The following SLC38A1 variants were observed in gnomAD, a reference collection of about 807,000 sequenced individuals.
SLC38A1 encodes the protein solute carrier family 38 member 1.
SLC38A1 carries 18 observed loss-of-function variants against 60.3 expected under a neutral mutation model. The ratio of observed to expected loss-of-function variants is 0.30; its 90% CI spans 0.21 to 0.44. The LOEUF (loss-of-function observed/expected upper bound fraction) is 0.44, where lower values mean the gene tolerates loss of function less well. Among genes scored for constraint, SLC38A1 ranks in the 20% least tolerant of loss-of-function variants. The pLI, the probability that SLC38A1 is intolerant of heterozygous loss-of-function variation, is 1.00. For missense variants in SLC38A1, 448 were observed against 587.2 expected (o/e 0.76, Z 2.45); for synonymous variants, 196 against 212.1 (o/e 0.92, Z 0.66).
Position 46,230,505 on chromosome 12 carries a change from T to C in SLC38A1, c.123-866A>G, listed in dbSNP as rs146128640. 2.5e-3 allele frequency among the ~76,000 whole-genome samples: 380 copies of C among 152,302 alleles called. 9 individuals are homozygous for C. In the East Asian group the frequency reaches 0.06, roughly 24 times the overall value. ...ACTATTACATCATCTTATCAAGTTA[T>C]TGGGAGACTTAAATGAGAGAGTACA... On this transcript the variant is annotated intron_variant, in intron 3 of 16. Coordinates refer to ENST00000398637, the MANE Select transcript of SLC38A1 (RefSeq NM_030674.4).
intron 6 of SLC38A1, 93 bp from the exon 7 acceptor site, chr12:46,207,714 A>AT: frequency 8.3e-7 from 1 of 1,210,594 alleles, no homozygotes; most frequent in Non-Finnish European, 1.2e-6. Flanking sequence ...CTGTTCCCCA[A>AT]GTTACTATGT....
chr12:46,234,387 A>G (rs1009495622), intron 3 of SLC38A1, among the ~76,000 whole-genome samples: 1 of 151,746 alleles, frequency 6.6e-6, no homozygotes, highest in African/African-American at 2.4e-5. Context: ...TGGTGTTTCA[A>G]CTTTTTCTTC....
At position 46,211,366 on chromosome 12, in the gene SLC38A1, C is replaced by A. The variant is rs535530576; in HGVS notation, c.315-2239G>T. Among the ~76,000 whole-genome samples the A allele has an allele frequency of 3.9e-5, 6 of 152,268 alleles. No homozygotes were observed. In the South Asian group the frequency reaches 1.0e-3, roughly 26 times the overall value. On this transcript the variant is annotated intron_variant, in intron 5 of 16. Transcript: ENST00000398637. ...CAAGGCTAATGTATAAAGAGTATGA[C>A]CTTGTAGGAACTATCTATGTGCCTA...
chr12:46,229,212 C>T lies in SLC38A1; in HGVS notation c.255G>A (p.Met85Ile). Residue 85 changes from methionine to isoleucine, a missense_variant, in exon 5 of 17, where the codon ATG (methionine) becomes ATA (isoleucine). Met to Ile is a conservative substitution (Grantham distance 10). This residue lies in a region of SLC38A1 where 346 missense variants were observed against 497.5 expected (regional missense o/e 0.70). Transcript: ENST00000398637. Reference protein sequence around the residue: ...MSVFNLSNAIMGSGILGLAFA... With the variant: ...MSVFNLSNAIIGSGILGLAFA... ...AGGCGAGTCCCAAAATCCCACTGCC[C>T]ATAATGGCGTTGCTTAGGTTAAAAA... is the stretch of plus-strand genomic sequence containing the variant. 1.9e-6 allele frequency: 3 copies of T among 1,613,748 alleles called. No individual in the cohort carries two copies. The highest frequency in any genetic ancestry group is 2.5e-6 in the Non-Finnish European group (3 of 1,179,832).
At chr12:46,250,784 A>T (rs1197026596) in intron 1 of SLC38A1, among the ~76,000 whole-genome samples, 1 of 152,236 alleles carries the variant, frequency 6.6e-6, no homozygotes, top group Non-Finnish European at 1.5e-5. Flanking sequence ...CCAACTTACA[A>T]GGGATGTGAA....
chr12:46,196,037 T>A (rs570845305), intron 16 of SLC38A1: 2 of 1,033,450 alleles, frequency 1.9e-6, no homozygotes, highest in South Asian at 1.4e-5. Context: ...TCTACATCGA[T>A]CTTGCTGGGA....
At chr12:46,267,276 G>C (rs1942381737) in intron 1 of SLC38A1, 2 of 152,206 alleles carry the variant, frequency 1.3e-5, no homozygotes, top group African/African-American at 4.8e-5. Context: ...CATCACCGCG[G>C]ATTCGTCCGA....
chr12:46,196,268 G>A, intron 16 of SLC38A1: 2 of 1,535,976 alleles, frequency 1.3e-6, no homozygotes, highest in Non-Finnish European at 1.7e-6. Flanking sequence ...ACTGGAGGAA[G>A]AGAAAGAGCT....
intron 12 of SLC38A1, 120 bp downstream of exon 12, chr12:46,202,890 G>A (rs767977198): frequency 4.5e-5 from 29 of 650,662 alleles, no homozygotes; most frequent in Non-Finnish European, 7.0e-5. Flanking sequence ...AGTAAATGTT[G>A]AAGCTGGGTG....
chr12:46,189,765 G>T (rs1478589233), intron 16 of SLC38A1, among the ~76,000 whole-genome samples: 1 of 152,130 alleles, frequency 6.6e-6, no homozygotes, highest in African/African-American at 2.4e-5. Context: ...AATCTCATGA[G>T]ATCTGGTGGT....
rs1437984340 is a variant in SLC38A1 at position 46,244,496 on chromosome 12, G to A, written c.-208-1182C>T. 3.3e-5 allele frequency among the ~76,000 whole-genome samples: 5 copies of A among 152,320 alleles called. No individual in the cohort carries two copies. The East Asian group carries it at 5.8e-4, about 18-fold the overall frequency. On this transcript the variant is annotated intron_variant, in intron 1 of 16. Coordinates refer to ENST00000398637, the MANE Select transcript of SLC38A1 (RefSeq NM_030674.4). ...TTTAGATTCCACCAATGGGAGAGTG[G>A]TGGTGGCCAGAGCAAGGCATCCACT...
chr12:46,214,331 C>T (rs1312062320), intron 5 of SLC38A1, among the ~76,000 whole-genome samples: 1 of 152,142 alleles, frequency 6.6e-6, no homozygotes, highest in Non-Finnish European at 1.5e-5. Context: ...ACTCTTTTTG[C>T]TGCAAGAAAA....
rs1938913845 is a variant in SLC38A1, at chr12:46,185,688, C to G, written c.*3282G>C. 1 of 151,990 alleles carries G rather than the reference C, an allele frequency of 6.6e-6. No individual in the cohort carries two copies. The highest frequency in any genetic ancestry group is 1.5e-5 in the Non-Finnish European group (1 of 68,112). The allele number at this position is 151,990 out of a possible 1,614,324, so 9.4% of individuals were successfully genotyped here. On this transcript the variant is annotated 3_prime_UTR_variant, in exon 17 of 17. Transcript: ENST00000398637. ...AGTCAGACAAACAGAAGAAGGCACA[C>G]CAAGCCTGAACCCTCCGGACAACAG...
rs138484624 is a variant in SLC38A1, at chr12:46,229,191, G to A, written c.276C>T (p.Leu92=). The A allele has an allele frequency of 3.2e-5, 52 of 1,613,488 alleles. No individual in the cohort carries two copies. The African/African-American group carries it at 4.1e-4, about 13-fold the overall frequency. ...NAIMGSGILG[L]AFALANTGIL... ...TTCCAGTGTTTGCCAGGGCAAAGGC[G>A]AGTCCCAAAATCCCACTGCCCATAA... The change falls in exon 5 of 17, where the codon CTC becomes CTT. Residue 92 remains leucine, a synonymous_variant. Transcript: ENST00000398637.
At chr12:46,213,540 C>T (rs916570949) in intron 5 of SLC38A1, among the ~76,000 whole-genome samples, 2 of 152,226 alleles carry the variant, frequency 1.3e-5, no homozygotes, top group Admixed American at 6.5e-5. Context: ...ATTGTCCAGC[C>T]AACTGCTTGA....
chr12:46,243,602 A>C (rs1941517138), intron 1 of SLC38A1, among the ~76,000 whole-genome samples: 1 of 152,158 alleles, frequency 6.6e-6, no homozygotes. Context: ...GTGGAGGGAG[A>C]ACATGGTCAA....
At chr12:46,204,489 G>T in intron 10 of SLC38A1, 43 bp downstream of exon 10, 2 of 1,597,796 alleles carry the variant, frequency 1.3e-6, no homozygotes, top group South Asian at 1.1e-5. Context: ...ACATGCCATT[G>T]TACTATCACA....
intron 1 of SLC38A1, among the ~76,000 whole-genome samples, chr12:46,246,978 T>C (rs1941642386): frequency 6.6e-6 from 1 of 152,094 alleles, no homozygotes; most frequent in African/African-American, 2.4e-5. Context: ...CAGAGGGGAA[T>C]AGCATCAACA....
chr12:46,215,204 G>C (rs1940350874), intron 5 of SLC38A1, among the ~76,000 whole-genome samples: 1 of 152,144 alleles, frequency 6.6e-6, no homozygotes, highest in Non-Finnish European at 1.5e-5. Flanking sequence ...ACTGTGCTGT[G>C]CATCACCCGC....
Sources: gnomAD v4.1 joint callset for allele counts (sites outside exome capture counted in the v4.1 genomes callset) on GRCh38, gnomAD v4.1.1 for gene constraint, gnomAD v4.1.1 regional missense constraint, MANE v1.5 for transcripts, NCBI Gene and HGNC (gene_info 2026-07-23, HGNC 2026-07-21) for gene names.